Variants in MAP3K9 observed in about 807,000 individuals in gnomAD.
The protein encoded by MAP3K9 is mitogen-activated protein kinase kinase kinase 9, also known as mixed lineage kinase 1 (tyr and ser/thr specificity).
In MAP3K9, 46 loss-of-function variants were observed where a neutral mutation model predicts 95.8. The observed-to-expected ratio is 0.48, with a 90% CI of 0.38 to 0.61. MAP3K9 has a LOEUF of 0.61. MAP3K9 is among the 20% of genes least tolerant of loss of function. The pLI is 0.00. For missense variants in MAP3K9, 1,296 were observed against 1,474.3 expected (o/e 0.88, Z 1.98); for synonymous variants, 533 against 593.8 (o/e 0.90, Z 1.49).
Position 70,794,990 on chromosome 14 carries a change from C to CTTTTT in MAP3K9, c.820+5672_820+5676dup, listed in dbSNP as rs572010694. ...CCGTGACCAGCCTCTTTTTCTTTTC[C>CTTTTT]TTTTTTTTTTTTTTTTTTTTTGAGA... On this transcript the variant is annotated intron_variant, in intron 2 of 11. Coordinates refer to ENST00000554752, the MANE Select transcript of MAP3K9 (RefSeq NM_001284230.2). Among the ~76,000 whole-genome samples, 53 of 76,810 alleles carry CTTTTT rather than the reference C, an allele frequency of 6.9e-4. 1 individual carries two copies. The highest frequency in any genetic ancestry group is 7.9e-4 in the East Asian group (2 of 2,538). The allele number at this position is 76,810 out of a possible 152,430, so 50.4% of individuals were successfully genotyped here. A position where few individuals can be genotyped will look rare whatever the true frequency, so the allele number is the denominator to read the frequency against.
At position 70,741,821 on chromosome 14, in the gene MAP3K9, C is replaced by T. The variant is rs148166760; in HGVS notation, c.1567+530G>A. ...AATCAGCTGGGCGTGGTGGCATGCGCCTGTAATCCCAGCTGCTCGGGGGCC... is the reference window on the plus strand; with the variant it reads ...AATCAGCTGGGCGTGGTGGCATGCGTCTGTAATCCCAGCTGCTCGGGGGCC... On this transcript the variant is annotated intron_variant, in intron 6 of 11. Transcript: ENST00000554752. 4.0e-4 allele frequency among the ~76,000 whole-genome samples: 61 copies of T among 152,280 alleles called. No homozygotes were observed. In the East Asian group the frequency reaches 8.9e-3, roughly 22 times the overall value.
At chr14:70,755,348 G>A (rs1476609) in intron 3 of MAP3K9, among the ~76,000 whole-genome samples, 127,405 of 152,230 alleles carry the variant, frequency 0.84, 53,397 homozygotes, top group Middle Eastern at 0.88. Context: ...TGCAGGAACA[G>A]GACCATACAG....
chr14:70,748,448 G>A (rs565501964), intron 5 of MAP3K9, among the ~76,000 whole-genome samples: 1 of 152,324 alleles, frequency 6.6e-6, no homozygotes, highest in South Asian at 2.1e-4. Context: ...TTCTGATTCT[G>A]ATGTCAAAAG....
chr14:70,800,966 C>T lies in MAP3K9; in HGVS notation c.521G>A (p.Arg174His), dbSNP rs764569241. The T allele has an allele frequency of 5.6e-6, 9 of 1,614,150 alleles. No homozygotes were observed. Among genetic ancestry groups the T allele is most frequent in the South Asian group, 1.1e-5 (1 of 91,080 alleles). ...GCTGATGTCCTCATCAGGGTCGTGG[C>T]GAGCTGCTTTCACAGCAACCTCATC... ...IGDEVAVKAA[R>H]HDPDEDISQT... Residue 174 changes from arginine to histidine, a missense_variant, in exon 2 of 12, where the codon CGC (arginine) becomes CAC (histidine). This residue lies in a region of MAP3K9 where 338 missense variants were observed against 363.4 expected (regional missense o/e 0.93). Transcript: ENST00000554752.
At position 70,732,571 on chromosome 14, in the gene MAP3K9, G is replaced by A. The variant is rs2053920230; in HGVS notation, c.2798C>T (p.Ser933Phe). The stretch of plus-strand genomic sequence containing the variant: ...AGGACTGGGGCTCAACCCATTGCTG[G>A]AGGGGCTCCTGCTGGCTAGGAGAGT... ...PETLLASRSP[S>F]SNGLSPSPGA... is the part of the protein sequence containing the mutation. Residue 933 changes from serine to phenylalanine, a missense_variant, in exon 11 of 12, where the codon TCC becomes TTC. Physicochemically the swap from Ser to Phe is radical, Grantham distance 155. Coordinates refer to ENST00000554752, the MANE Select transcript of MAP3K9 (RefSeq NM_001284230.2). 6 of 1,598,774 alleles carry A rather than the reference G, an allele frequency of 3.8e-6. No individual in the cohort carries two copies. The highest frequency in any genetic ancestry group is 5.1e-6 in the Non-Finnish European group (6 of 1,171,812).
rs1223743642 is a variant in MAP3K9 at position 70,740,121 on chromosome 14, A to G, written c.1611T>C (p.Asp537=). The change falls in exon 7 of 12, where the codon GAT becomes GAC. Residue 537 remains aspartate, a synonymous_variant. Coordinates refer to ENST00000554752, the MANE Select transcript of MAP3K9 (RefSeq NM_001284230.2). ...GGCTGTTGATAAGACTCTTCCTTTT[A>G]TCCATGGTAGGGGAGGCCTGCACCG... ...KFTVQASPTM[D]KRKSLINSRS... 2 of 1,614,152 alleles carry G rather than the reference A, an allele frequency of 1.2e-6. No homozygotes were observed. Among genetic ancestry groups the G allele is most frequent in the Non-Finnish European group, 1.7e-6 (2 of 1,180,026 alleles).
rs572397207 is a variant in MAP3K9, at chr14:70,776,136, C to A, written c.821-14954G>T. ...CCCGGGAGGTGGAGGTTGCAGTGAGCCAAGATCGCGCCATTACACTCCAGC... is the reference window on the plus strand; with the variant it reads ...CCCGGGAGGTGGAGGTTGCAGTGAGACAAGATCGCGCCATTACACTCCAGC... On this transcript the variant is annotated intron_variant, in intron 2 of 11. Coordinates refer to ENST00000554752, the MANE Select transcript of MAP3K9 (RefSeq NM_001284230.2). 6.6e-5 allele frequency among the ~76,000 whole-genome samples: 10 copies of A among 152,254 alleles called. No homozygotes were observed. The South Asian group carries it at 2.1e-3, about 32-fold the overall frequency.
At chr14:70,802,234 T>A (rs2054938306) in intron 1 of MAP3K9, among the ~76,000 whole-genome samples, 1 of 152,158 alleles carries the variant, frequency 6.6e-6, no homozygotes, top group East Asian at 1.9e-4. Flanking sequence ...TGGGAGACTT[T>A]CAGAACTTGG....
chr14:70,734,881 C>T (rs193200405), intron 9 of MAP3K9, among the ~76,000 whole-genome samples: 12 of 152,340 alleles, frequency 7.9e-5, no homozygotes, highest in East Asian at 5.8e-4. Context: ...ATGACAGTTA[C>T]GGTGATGCAA....
chr14:70,783,925 T>G (rs1485727572), intron 2 of MAP3K9, among the ~76,000 whole-genome samples: 1 of 152,244 alleles, frequency 6.6e-6, no homozygotes, highest in Admixed American at 6.5e-5. Flanking sequence ...TAAAATTTTT[T>G]AAATTCCATA....
At chr14:70,745,999 C>T (rs772762607) in intron 5 of MAP3K9, among the ~76,000 whole-genome samples, 18 of 152,188 alleles carry the variant, frequency 1.2e-4, no homozygotes, top group African/African-American at 3.1e-4. Flanking sequence ...AATTGTTGTG[C>T]GCCCTCCAAA....
intron 2 of MAP3K9, among the ~76,000 whole-genome samples, chr14:70,788,412 A>G (rs180882687): frequency 1.3e-5 from 2 of 152,356 alleles, no homozygotes; most frequent in Non-Finnish European, 2.9e-5. Context: ...GATCTTATTT[A>G]ATCCTCACTT....
At position 70,752,528 on chromosome 14, in the gene MAP3K9, C is replaced by A. The variant is rs1594779819; in HGVS notation, c.1002-2447G>T. Among the ~76,000 whole-genome samples, 3 of 152,124 alleles carry A rather than the reference C, an allele frequency of 2.0e-5. No homozygotes were observed. In the East Asian group the frequency reaches 5.8e-4, roughly 29 times the overall value. On this transcript the variant is annotated intron_variant, in intron 3 of 11. Transcript: ENST00000554752. Reference sequence around the variant, plus strand: ...TCATGTGACTTATCCAGGTAGTGGTCATGCTGGGGAGCTTCTACCAAGTGA... The same window carrying A: ...TCATGTGACTTATCCAGGTAGTGGTAATGCTGGGGAGCTTCTACCAAGTGA...
At position 70,732,649 on chromosome 14, in the gene MAP3K9, G is replaced by A. The variant is rs200777804; in HGVS notation, c.2720C>T (p.Ser907Leu). Reference sequence around the variant, plus strand: ...AGTCCGCCGGTGACTGCTGGGCTGCGAGGGGGTGGTGAGGGTGACATGGGT... The same window carrying A: ...AGTCCGCCGGTGACTGCTGGGCTGCAAGGGGGTGGTGAGGGTGACATGGGT... ...TPTHVTLTTP[S>L]QPSSHRRTPS... Residue 907 changes from serine (S) to leucine (L), a missense_variant, in exon 11 of 12, where the codon TCG becomes TTG. Physicochemically the swap from Ser to Leu is moderately radical, Grantham distance 145. Around this residue, in one of 5 missense-constraint regions of MAP3K9, gnomAD observed 433 missense variants for 441.4 expected, o/e 0.98. Coordinates refer to ENST00000554752, the MANE Select transcript of MAP3K9 (RefSeq NM_001284230.2). The A allele has an allele frequency of 3.1e-5, 50 of 1,606,260 alleles. No homozygotes were observed. Among genetic ancestry groups the A allele is most frequent in the East Asian group, 1.6e-4 (7 of 44,734 alleles).
At chr14:70,788,369 C>T (rs781483518) in intron 2 of MAP3K9, among the ~76,000 whole-genome samples, 3 of 152,318 alleles carry the variant, frequency 2.0e-5, no homozygotes, top group East Asian at 3.8e-4. Flanking sequence ...GTGCTTATTA[C>T]GTGCCAGGCA....
chr14:70,803,416 T>C (rs1275628645), intron 1 of MAP3K9, among the ~76,000 whole-genome samples: 2 of 140,812 alleles, frequency 1.4e-5, no homozygotes, highest in African/African-American at 5.3e-5. Flanking sequence ...CACACTTCAC[T>C]GAAAAAAAAA....
chr14:70,754,525 G>A (rs951609558), intron 3 of MAP3K9, among the ~76,000 whole-genome samples: 2 of 152,146 alleles, frequency 1.3e-5, no homozygotes, highest in African/African-American at 4.8e-5. Flanking sequence ...AGGCTGGAGT[G>A]CAGTGGTGCG....
At chr14:70,800,431 C>T (rs543418088) in intron 2 of MAP3K9, among the ~76,000 whole-genome samples, 22 of 151,854 alleles carry the variant, frequency 1.4e-4, no homozygotes, top group African/African-American at 5.3e-4. Flanking sequence ...CTCTAGACTG[C>T]TAAAAAAAAA....
At chr14:70,740,991 C>T (rs1227822181) in intron 6 of MAP3K9, among the ~76,000 whole-genome samples, 1 of 152,206 alleles carries the variant, frequency 6.6e-6, no homozygotes, top group Non-Finnish European at 1.5e-5. Flanking sequence ...ATTCACTCAA[C>T]TGCATGGAAT....
Sources: gnomAD v4.1 joint callset for allele counts (sites outside exome capture counted in the v4.1 genomes callset) on GRCh38, gnomAD v4.1.1 for gene constraint, gnomAD v4.1.1 regional missense constraint, MANE v1.5 for transcripts, NCBI Gene and HGNC (gene_info 2026-07-23, HGNC 2026-07-21) for gene names.